GPR161: variants seen among roughly 807,000 people sequenced by gnomAD.
The protein encoded by GPR161 is G-protein coupled receptor RE2.
In GPR161, 25 loss-of-function variants were observed where a neutral mutation model predicts 39.2. That is an observed-to-expected ratio of 0.64 (90% confidence interval 0.47 to 0.89). GPR161 has a LOEUF of 0.89. Ranked by LOEUF, GPR161 falls within the 40% of genes least tolerant of loss-of-function variation. GPR161 has a pLI of 0.00. For synonymous variants in GPR161, 286 were observed against 276.6 expected (o/e 1.03, Z -0.34); for missense variants, 547 against 677.8 (o/e 0.81, Z 2.14).
In GPR161 at chr1:168,104,392, G is replaced by A. The variant is rs530526095; in HGVS notation, c.374+85C>T. 4.3e-4 allele frequency: 498 copies of A among 1,160,304 alleles called. 1 individual carries two copies. In the Middle Eastern group the frequency reaches 6.4e-3, roughly 15 times the overall value. 71.9% of individuals were successfully genotyped at this position (1,160,304 alleles called of 1,614,324 possible). On this transcript the variant is annotated intron_variant, in intron 2 of 5. Coordinates refer to ENST00000682931, the MANE Select transcript of GPR161 (RefSeq NM_001375883.1). ...CAGCAAGGGCCCCTGACACTCTCCAGGGAACTAAGGCAGTCAGAGGGACAC... is the reference window on the plus strand; with the variant it reads ...CAGCAAGGGCCCCTGACACTCTCCAAGGAACTAAGGCAGTCAGAGGGACAC...
chr1:168,082,087 G>A lies in GPR161; in HGVS notation c.*3444C>T, dbSNP rs1375847458. The A allele has an allele frequency of 6.6e-6, 1 of 152,184 alleles. No individual in the cohort carries two copies. Among genetic ancestry groups the A allele is most frequent in the East Asian group, 1.9e-4 (1 of 5,202 alleles). 9.4% of individuals were successfully genotyped at this position (152,184 alleles called of 1,614,324 possible). Reference sequence around the variant, plus strand: ...CTCCTGTCTCAACCCAAATTCCTTAGCCTATCTATTGCAAATATTTAGTCT... The same window carrying A: ...CTCCTGTCTCAACCCAAATTCCTTAACCTATCTATTGCAAATATTTAGTCT... On this transcript the variant is annotated 3_prime_UTR_variant, in exon 6 of 6. Coordinates refer to ENST00000682931, the MANE Select transcript of GPR161 (RefSeq NM_001375883.1).
At chr1:168,112,693 C>T (rs906461369) in intron 1 of GPR161, among the ~76,000 whole-genome samples, 1 of 151,176 alleles carries the variant, frequency 6.6e-6, no homozygotes, top group African/African-American at 2.4e-5. Context: ...TCCATCTCTA[C>T]GAAAAATACA....
rs1297076837 is a variant in GPR161 at position 168,085,017 on chromosome 1, C to G, written c.*514G>C. ...TCCTAGAACTGAGGGTCCCACACTG[C>G]CCGCATCAACCATGTAGAGGCACCA... On this transcript the variant is annotated 3_prime_UTR_variant, in exon 6 of 6. Coordinates refer to ENST00000682931, the MANE Select transcript of GPR161 (RefSeq NM_001375883.1). The G allele has an allele frequency of 4.4e-6, 2 of 456,184 alleles. No homozygotes were observed. Among genetic ancestry groups the G allele is most frequent in the Non-Finnish European group, 8.8e-6 (2 of 227,060 alleles). The allele number at this position is 456,184 out of a possible 1,614,324, so 28.3% of individuals were successfully genotyped here.
In GPR161 at chr1:168,079,768, C is replaced by T. The variant is rs1440193094; in HGVS notation, c.*5763G>A. On this transcript the variant is annotated 3_prime_UTR_variant, in exon 6 of 6. Transcript: ENST00000682931. ...AGCGGTCTATTATGAGAACACAACA[C>T]AGTCCTCTGTCCCTTAAGCATGCAG... 1 of 152,152 alleles carries T rather than the reference C, an allele frequency of 6.6e-6. No individual in the cohort carries two copies. 9.4% of individuals were successfully genotyped at this position (152,152 alleles called of 1,614,324 possible).
At chr1:168,137,336 T>C (rs775345676), upstream of GPR161, 428 of 1,535,582 alleles carry the variant, frequency 2.8e-4, no homozygotes, top group Non-Finnish European at 3.5e-4. Flanking sequence ...CACAGTCCCA[T>C]TCTCCTCCTC....
chr1:168,111,611 G>C (rs1201126013), intron 1 of GPR161, among the ~76,000 whole-genome samples: 2 of 152,192 alleles, frequency 1.3e-5, no homozygotes, highest in Admixed American at 1.3e-4. Context: ...GCTGGTCCTT[G>C]GGCTAATAAA....
At position 168,104,789 on chromosome 1, in the gene GPR161, C is replaced by T. The variant is rs1572305148; in HGVS notation, c.62G>A (p.Gly21Asp). 1 of 1,613,886 alleles carries T rather than the reference C, an allele frequency of 6.2e-7. No individual in the cohort carries two copies. Among genetic ancestry groups the T allele is most frequent in the South Asian group, 1.1e-5 (1 of 91,084 alleles). ...KELSNLTEEE[G>D]GEGGVIITQF... ...GGTGATGATGACGCCCCCTTCGCCA[C>T]CCTCCTCCTCAGTGAGATTACTCAG... The change falls in exon 2 of 6, where the codon GGT becomes GAT. Residue 21 changes from glycine (G) to aspartate (D), a missense_variant. Physicochemically the swap from Gly to Asp is moderately conservative, Grantham distance 94. Transcript: ENST00000682931.
intron 2 of GPR161, among the ~76,000 whole-genome samples, chr1:168,101,407 C>CA (rs1696090677): frequency 6.6e-6 from 1 of 152,152 alleles, no homozygotes. Context: ...GTATATCCTA[C>CA]AAGGCATAGG....
chr1:168,126,373 C>A (rs544077537), intron 1 of GPR161, among the ~76,000 whole-genome samples: 2 of 152,308 alleles, frequency 1.3e-5, no homozygotes, highest in South Asian at 2.1e-4. Context: ...TGACCCTTAC[C>A]ATCTCCTCCG....
In GPR161 at chr1:168,087,713, A is replaced by G. The variant is rs765553654; in HGVS notation, c.1205-9T>C. On this transcript the variant is annotated splice_polypyrimidine_tract_variant and intron_variant, in intron 4 of 5. Coordinates refer to ENST00000682931, the MANE Select transcript of GPR161 (RefSeq NM_001375883.1). ...CAGCATCATATCTGTCCCTAAAACA[A>G]CGGGCAGATTGTGCATATGTAACTA... is the stretch of plus-strand genomic sequence containing the variant. 8 of 1,606,112 alleles carry G rather than the reference A, an allele frequency of 5.0e-6. 1 individual carries two copies. The highest frequency in any genetic ancestry group is 6.8e-6 in the Non-Finnish European group (8 of 1,175,262).
intron 1 of GPR161, among the ~76,000 whole-genome samples, chr1:168,120,115 G>C (rs1175560962): frequency 1.3e-4 from 20 of 152,172 alleles, no homozygotes; most frequent in Admixed American, 1.2e-3. Flanking sequence ...CATGCACCTG[G>C]AAAAGCCGCA....
chr1:168,135,267 G>A (rs1699276071), intron 1 of GPR161, among the ~76,000 whole-genome samples: 1 of 152,186 alleles, frequency 6.6e-6, no homozygotes, highest in African/African-American at 2.4e-5. Flanking sequence ...ACCTAGCTGG[G>A]CAAGAATGCT....
intron 1 of GPR161, chr1:168,118,488 G>A (rs1382698342): frequency 6.6e-6 from 1 of 152,182 alleles, no homozygotes; most frequent in East Asian, 1.9e-4. Flanking sequence ...TGGATGAGGA[G>A]AAACAACTTA....
intron 3 of GPR161, 25 bp from the exon 4 acceptor site, chr1:168,090,693 A>G: frequency 1.4e-6 from 2 of 1,386,654 alleles, no homozygotes; most frequent in Non-Finnish European, 1.0e-6. Flanking sequence ...TGGCATTGAC[A>G]ACACAATCAC....
Position 168,096,755 on chromosome 1 carries a change from G to A in GPR161, c.852C>T (p.Gly284=). The change falls in exon 3 of 6, where the codon GGC becomes GGT. Residue 284 remains glycine, a synonymous_variant. Coordinates refer to ENST00000682931, the MANE Select transcript of GPR161 (RefSeq NM_001375883.1). ...VVLGAFMVTW[G]PYMVVIASEA... The stretch of plus-strand genomic sequence containing the variant: ...CAGAGGCGATGACAACCATGTAGGG[G>A]CCCCAGGTGACCATGAAGGCACCGA... The A allele has an allele frequency of 1.2e-6, 2 of 1,614,096 alleles. No homozygotes were observed. The highest frequency in any genetic ancestry group is 1.7e-5 in the Admixed American group (1 of 60,022).
intron 1 of GPR161, chr1:168,136,456 C>T: frequency 7.7e-7 from 1 of 1,296,802 alleles, no homozygotes; most frequent in East Asian, 3.1e-5. Flanking sequence ...CTGCACCCAG[C>T]AGAATGGGGT....
chr1:168,085,839 C>T (rs1466680571), intron 5 of GPR161, 43 bp from the exon 6 acceptor site: 2 of 1,560,066 alleles, frequency 1.3e-6, no homozygotes, highest in Non-Finnish European at 1.7e-6. Context: ...AGGAGCCAGG[C>T]CTGGGGACTA....
At chr1:168,086,477 A>G (rs1469961626) in intron 5 of GPR161, among the ~76,000 whole-genome samples, 2 of 152,196 alleles carry the variant, frequency 1.3e-5, no homozygotes, top group African/African-American at 4.8e-5. Context: ...TCTGGAAAGT[A>G]GGCAACCTGT....
chr1:168,090,498 G>C, intron 4 of GPR161, 66 bp downstream of exon 4: 1 of 916,026 alleles, frequency 1.1e-6, no homozygotes, highest in Non-Finnish European at 1.8e-6. Flanking sequence ...GGGGAAACGC[G>C]ACACGGGGGA....
Sources: gnomAD v4.1 joint callset for allele counts (sites outside exome capture counted in the v4.1 genomes callset) on GRCh38, gnomAD v4.1.1 for gene constraint, MANE v1.5 for transcripts, NCBI Gene and HGNC (gene_info 2026-07-23, HGNC 2026-07-21) for gene names.